Variants in PARP4 observed in about 807,000 individuals in gnomAD.
The protein encoded by PARP4 is poly(ADP-ribose) polymerase family member 4, also known as protein mono-ADP-ribosyltransferase PARP4.
PARP4 carries 120 observed loss-of-function variants against 187.7 expected under a neutral mutation model. The observed-to-expected ratio is 0.64, with a 90% CI of 0.55 to 0.74. The LOEUF is 0.74. Among genes scored for constraint, PARP4 ranks in the 30% least tolerant of loss-of-function variants. PARP4 has a pLI of 0.00. For synonymous variants in PARP4, 654 were observed against 740.9 expected (o/e 0.88, Z 1.90); for missense variants, 1,836 against 2,070.5 (o/e 0.89, Z 2.20).
chr13:24,458,270 C>A (rs906214029), intron 20 of PARP4, among the ~76,000 whole-genome samples: 5 of 152,046 alleles, frequency 3.3e-5, no homozygotes, highest in African/African-American at 4.8e-5. Context: ...CCACCACACC[C>A]GGCTAATTTT....
intron 11 of PARP4, among the ~76,000 whole-genome samples, chr13:24,485,500 T>G (rs183943683): frequency 6.6e-6 from 1 of 152,296 alleles, no homozygotes; most frequent in African/African-American, 2.4e-5. Context: ...GGTTTTTTGG[T>G]TTTTTCTTTC....
intron 12 of PARP4, among the ~76,000 whole-genome samples, chr13:24,482,173 T>A (rs942734307): frequency 6.6e-6 from 1 of 152,220 alleles, no homozygotes; most frequent in African/African-American, 2.4e-5. Context: ...TGGGACTGAA[T>A]TGCTGCAATC....
At chr13:24,490,228 G>C (rs1868554406) in intron 10 of PARP4, among the ~76,000 whole-genome samples, 1 of 152,032 alleles carries the variant, frequency 6.6e-6, no homozygotes, top group African/African-American at 2.4e-5. Flanking sequence ...CCCTGGGTAT[G>C]CACAGTGAAT....
rs1446608315 is a variant in PARP4 at position 24,498,239 on chromosome 13, A to G, written c.478-10T>C. 7 of 1,593,628 alleles carry G rather than the reference A, an allele frequency of 4.4e-6. No homozygotes were observed. Among genetic ancestry groups the G allele is most frequent in the Non-Finnish European group, 5.2e-6 (6 of 1,162,748 alleles). On this transcript the variant is annotated splice_polypyrimidine_tract_variant and intron_variant, in intron 5 of 33. Transcript: ENST00000381989. ...CTCCCTCCATTCCCACCTGGAAAAC[A>G]GGATGTGCTTTCAGAAGCTGCACTC...
intron 24 of PARP4, 66 bp from the exon 25 acceptor site, chr13:24,449,883 G>A (rs1871420081): frequency 1.0e-6 from 1 of 981,914 alleles, no homozygotes; most frequent in East Asian, 2.4e-5. Flanking sequence ...CATGTTAACA[G>A]TGTTGAGAAA....
At position 24,499,393 on chromosome 13, in the gene PARP4, ATAAT is replaced by A. The variant is rs775331641; in HGVS notation, c.402-21_402-18del. 2 of 1,549,558 alleles carry A rather than the reference ATAAT, an allele frequency of 1.3e-6. No individual in the cohort carries two copies. Among genetic ancestry groups the A allele is most frequent in the Non-Finnish European group, 1.7e-6 (2 of 1,155,394 alleles). The stretch of plus-strand genomic sequence containing the variant: ...ATACCAAACCTGAAATTTGTAGTGT[ATAAT>A]TAAAATTTTAACATTAAATGGATTT... On this transcript the variant is annotated intron_variant, in intron 4 of 33. Transcript: ENST00000381989.
chr13:24,479,302 C>T (rs1873142721), intron 12 of PARP4, among the ~76,000 whole-genome samples: 1 of 152,158 alleles, frequency 6.6e-6, no homozygotes, highest in Admixed American at 6.5e-5. Flanking sequence ...AATCCTCTCC[C>T]CTTTGGAGGG....
chr13:24,456,518 G>A lies in PARP4; in HGVS notation c.2425-40C>T, dbSNP rs187322626. On this transcript the variant is annotated intron_variant, in intron 20 of 33. Transcript: ENST00000381989. ...CCGCGACAACAAGGTGAGTAATGGA[G>A]TAACACCATATTAGCAGTCTGCACT... is the stretch of plus-strand genomic sequence containing the variant. 28 of 1,570,058 alleles carry A rather than the reference G, an allele frequency of 1.8e-5. No individual in the cohort carries two copies. The East Asian group carries it at 6.2e-4, about 35-fold the overall frequency.
intron 5 of PARP4, among the ~76,000 whole-genome samples, chr13:24,499,014 C>T (rs1869118387): frequency 6.6e-6 from 1 of 152,104 alleles, no homozygotes; most frequent in South Asian, 2.1e-4. Flanking sequence ...TGTTAAAAAT[C>T]AGGTCTGGGT....
chr13:24,469,947 C>A lies in PARP4; in HGVS notation c.1993G>T (p.Ala665Ser). 1 of 1,613,832 alleles carries A rather than the reference C, an allele frequency of 6.2e-7. No homozygotes were observed. The highest frequency in any genetic ancestry group is 1.7e-4 in the Middle Eastern group (1 of 6,056). ...AAGGCTTCGAAGCCACACACAGCGG[C>A]CTTGTCATCCAAAGGAAAGATATAT... Reference protein sequence around the residue: ...AKYIFPLDDKAAVCGFEAFIN... With the variant: ...AKYIFPLDDKSAVCGFEAFIN... Residue 665 changes from alanine (A) to serine (S), a missense_variant, in exon 16 of 34, where the codon GCC becomes TCC. This residue lies in a region of PARP4 where 1,147 missense variants were observed against 1,214.2 expected (regional missense o/e 0.94). Transcript: ENST00000381989.
intron 6 of PARP4, among the ~76,000 whole-genome samples, chr13:24,496,661 A>G (rs973054133): frequency 6.6e-5 from 10 of 152,162 alleles, no homozygotes; most frequent in African/African-American, 2.4e-4. Flanking sequence ...ACAAAGGGAA[A>G]AGCTCCTGGA....
chr13:24,491,175 C>T (rs921847592), intron 9 of PARP4, among the ~76,000 whole-genome samples: 1 of 151,296 alleles, frequency 6.6e-6, no homozygotes, highest in Non-Finnish European at 1.5e-5. Flanking sequence ...GGCTGGAGTG[C>T]AGTGGCATGA....
chr13:24,506,427 G>C (rs777198742), intron 1 of PARP4, among the ~76,000 whole-genome samples: 8 of 152,076 alleles, frequency 5.3e-5, no homozygotes, highest in Admixed American at 3.9e-4. Flanking sequence ...TGCTAGCTCG[G>C]GCAGCCTGCT....
At chr13:24,506,349 A>G (rs996672907) in intron 1 of PARP4, among the ~76,000 whole-genome samples, 4 of 152,138 alleles carry the variant, frequency 2.6e-5, no homozygotes, top group African/African-American at 9.7e-5. Context: ...GAGCAGCAAC[A>G]AAATTTACTG....
intron 17 of PARP4, among the ~76,000 whole-genome samples, chr13:24,463,438 A>T (rs1468024928): frequency 6.6e-6 from 1 of 152,134 alleles, no homozygotes; most frequent in Admixed American, 6.6e-5. Flanking sequence ...AGAAATGAAG[A>T]GCACCAGAAA....
chr13:24,445,479 G>A (rs1871164999), intron 27 of PARP4, among the ~76,000 whole-genome samples: 2 of 152,038 alleles, frequency 1.3e-5, no homozygotes, highest in Admixed American at 1.3e-4. Context: ...CCAGGCCTTT[G>A]TAATGAAACC....
At chr13:24,452,679 G>C (rs1245099694) in intron 23 of PARP4, 86 bp from the exon 24 acceptor site, 2 of 1,039,496 alleles carry the variant, frequency 1.9e-6, no homozygotes, top group Non-Finnish European at 2.8e-6. Context: ...TAAGGACAGT[G>C]TAGGGATATG....
chr13:24,432,074 C>T (rs972146700), intron 31 of PARP4, among the ~76,000 whole-genome samples: 3 of 151,212 alleles, frequency 2.0e-5, no homozygotes. Context: ...TGCTTTATTT[C>T]ATTTTTTATT....
chr13:24,491,472 G>A (rs1295740636), intron 9 of PARP4, among the ~76,000 whole-genome samples: 2 of 152,156 alleles, frequency 1.3e-5, no homozygotes, highest in Non-Finnish European at 2.9e-5. Flanking sequence ...AAATTTGGAA[G>A]GGTCTTATAT....
Sources: allele counts gnomAD v4.1 joint callset (sites outside exome capture counted in the v4.1 genomes callset), GRCh38; gene constraint gnomAD v4.1.1; regional missense constraint gnomAD v4.1.1; transcripts MANE v1.5; gene names NCBI Gene and HGNC (gene_info 2026-07-23, HGNC 2026-07-21).